IL1RN: variants seen among roughly 807,000 people sequenced by gnomAD.
IL1RN encodes the protein interleukin-1 receptor antagonist protein.
A neutral mutation model predicts 13.7 loss-of-function variants in IL1RN; 10 were observed. The observed-to-expected ratio is 0.73, with a 90% CI of 0.45 to 1.24. The LOEUF (loss-of-function observed/expected upper bound fraction) is 1.24, where lower values mean the gene tolerates loss of function less well. Among genes scored for constraint, IL1RN ranks in the 50% most tolerant of loss-of-function variants. The pLI is 0.00. For missense variants in IL1RN, 213 were observed against 222.1 expected (o/e 0.96, Z 0.26); for synonymous variants, 102 against 82.7 (o/e 1.23, Z -1.27).
chr2:113,132,882 G>T lies in IL1RN; in HGVS notation c.*11G>T, dbSNP rs757252501. The T allele has an allele frequency of 1.1e-5, 18 of 1,612,550 alleles. No individual in the cohort carries two copies. In the Admixed American group the frequency reaches 2.7e-4, roughly 24 times the overall value. On this transcript the variant is annotated 3_prime_UTR_variant, in exon 4 of 4. Transcript: ENST00000409930. ...CAGGAGGACGAGTAGTACTGCCCAG[G>T]CCTGCCTGTTCCCATTCTTGCATGG...
At chr2:113,126,050 A>C (rs1686945672), upstream of IL1RN, among the ~76,000 whole-genome samples, 1 of 152,136 alleles carries the variant, frequency 6.6e-6, no homozygotes, top group Non-Finnish European at 1.5e-5. Context: ...CGCCCACCTC[A>C]GCCTCCCCAA....
rs1687144711 is a variant in IL1RN, at chr2:113,130,950, G to T, written c.206-95G>T. The T allele has an allele frequency of 4.9e-6, 4 of 814,272 alleles. No homozygotes were observed. The South Asian group carries it at 5.5e-5, about 11-fold the overall frequency. The allele number at this position is 814,272 out of a possible 1,614,324, so 50.4% of individuals were successfully genotyped here. A position where few individuals can be genotyped will look rare whatever the true frequency, so the allele number is the denominator to read the frequency against. ...CTTCTGACCTCGGGATTTTAGTTTTGTGGGGACCAGGGGAGATAGAAAAAT... is the reference window on the plus strand; with the variant it reads ...CTTCTGACCTCGGGATTTTAGTTTTTTGGGGACCAGGGGAGATAGAAAAAT... On this transcript the variant is annotated intron_variant, in intron 2 of 3. Transcript: ENST00000409930.
At chr2:113,128,926 G>A (rs1794068) in intron 1 of IL1RN, among the ~76,000 whole-genome samples, 32,856 of 152,072 alleles carry the variant, frequency 0.22, 4,292 homozygotes, top group South Asian at 0.29. Context: ...AGAGGAAGCC[G>A]GGTTGTTCCC....
chr2:113,100,918 G>T, the IL1RN span, among the ~76,000 whole-genome samples: 137,938 of 152,206 alleles, frequency 0.91, 63,071 homozygotes, highest in African/African-American at 0.94. Context: ...ATGGGCAGAT[G>T]AATAAGAGAA....
chr2:113,099,889 C>T, the IL1RN span, among the ~76,000 whole-genome samples: 3 of 140,328 alleles, frequency 2.1e-5, no homozygotes, highest in Non-Finnish European at 3.2e-5. Flanking sequence ...CACCTGCCAC[C>T]ACGCCCGGCT....
chr2:113,130,941 T>C, intron 2 of IL1RN, 104 bp from the exon 3 acceptor site: 1 of 776,866 alleles, frequency 1.3e-6, no homozygotes, highest in South Asian at 1.4e-5. Context: ...ACCTCGGGAT[T>C]TTAGTTTTGT....
upstream of IL1RN, among the ~76,000 whole-genome samples, chr2:113,114,379 T>A (rs571594998): frequency 7.1e-6 from 1 of 141,770 alleles, no homozygotes; most frequent in Non-Finnish European, 1.5e-5. Context: ...TTCTTATTCC[T>A]GGTACTGGCT....
upstream of IL1RN, among the ~76,000 whole-genome samples, chr2:113,105,871 T>C (rs1424801026): frequency 2.0e-5 from 3 of 152,230 alleles, no homozygotes; most frequent in East Asian, 1.9e-4. Context: ...TAATGTTCCC[T>C]GAAATGAAAT....
At chr2:113,117,902 CA>C in exon 1 of IL1RN, 2 of 783,448 alleles carry the variant, frequency 2.6e-6, no homozygotes, top group Non-Finnish European at 4.7e-6. Context: ...GGGGCAGCTC[CA>C]CCCTGGGAGG....
chr2:113,118,183 C>T (rs908713406), intron 1 of IL1RN, among the ~76,000 whole-genome samples: 22 of 152,260 alleles, frequency 1.4e-4, no homozygotes, highest in Non-Finnish European at 2.2e-4. Context: ...GATCTGGGCA[C>T]GGGGAGGCAT....
upstream of IL1RN, among the ~76,000 whole-genome samples, chr2:113,116,257 C>T (rs1686588775): frequency 6.6e-6 from 1 of 152,220 alleles, no homozygotes; most frequent in Admixed American, 6.5e-5. Context: ...GGCAGGTTCC[C>T]AGGCTGCCCC....
intron 2 of IL1RN, chr2:113,121,635 G>C: frequency 1.0e-6 from 1 of 981,514 alleles, no homozygotes. Flanking sequence ...TAACCATGTA[G>C]ATCTGAGAGG....
chr2:113,132,158 C>A (rs1030622470), intron 3 of IL1RN, among the ~76,000 whole-genome samples: 3 of 152,196 alleles, frequency 2.0e-5, no homozygotes, highest in Non-Finnish European at 2.9e-5. Flanking sequence ...TCCTAAGAAA[C>A]CTGGGCCAGG....
chr2:113,120,226 G>C, intron 2 of IL1RN: 1 of 880,358 alleles, frequency 1.1e-6, no homozygotes, highest in Non-Finnish European at 1.9e-6. Flanking sequence ...AAGATGAATG[G>C]TTTAATTAAA....
upstream of IL1RN, among the ~76,000 whole-genome samples, chr2:113,110,123 A>G (rs1686470706): frequency 6.6e-6 from 1 of 152,218 alleles, no homozygotes; most frequent in Non-Finnish European, 1.5e-5. Context: ...ATGAAAAAAA[A>G]GTCCCCATGG....
the IL1RN span, among the ~76,000 whole-genome samples, chr2:113,099,723 CTTTTCTTTTTTTTTTTT>C: frequency 5.5e-5 from 4 of 72,170 alleles, no homozygotes; most frequent in Non-Finnish European, 1.1e-4. Flanking sequence ...CCTCTTCTTT[CTTTTCTTTTTTTTTTTT>C]TTTTTTTTTT....
upstream of IL1RN, among the ~76,000 whole-genome samples, chr2:113,107,597 G>A (rs1686406866): frequency 6.6e-6 from 1 of 151,662 alleles, no homozygotes; most frequent in Admixed American, 6.6e-5. Flanking sequence ...GCCATGTGTG[G>A]TGGTGTGCAC....
intron 1 of IL1RN, among the ~76,000 whole-genome samples, chr2:113,111,545 C>T (rs990859093): frequency 6.6e-6 from 1 of 152,204 alleles, no homozygotes; most frequent in African/African-American, 2.4e-5. Flanking sequence ...TGAGAATGGC[C>T]CATAGCTCAA....
chr2:113,127,320 G>A (rs957778216), upstream of IL1RN: 4 of 298,368 alleles, frequency 1.3e-5, no homozygotes, highest in Admixed American at 2.6e-4. Flanking sequence ...GAACAGTAGG[G>A]AGTTTGGTTT....
Sources: allele counts gnomAD v4.1 joint callset (sites outside exome capture counted in the v4.1 genomes callset), GRCh38; gene constraint gnomAD v4.1.1; transcripts MANE v1.5; gene names NCBI Gene and HGNC (gene_info 2026-07-23, HGNC 2026-07-21).